TENT2: variants seen among roughly 807,000 people sequenced by gnomAD.
TENT2 encodes poly(A) RNA polymerase GLD2.
Under a neutral mutation model 72.2 loss-of-function variants are expected in TENT2, and 44 were observed. The observed-to-expected ratio is 0.61, with a 90% CI of 0.48 to 0.78. The LOEUF (loss-of-function observed/expected upper bound fraction) is 0.78. Among genes scored for constraint, TENT2 ranks in the 30% least tolerant of loss-of-function variants. The probability of loss-of-function intolerance (pLI) is 0.00; values close to 1 mark genes in which losing one functional copy is unlikely to be tolerated. For synonymous variants in TENT2, 212 were observed against 192.5 expected, an observed-to-expected ratio of 1.10 and a Z score of -0.84; for missense variants, 541 against 569.6, an observed-to-expected ratio of 0.95 and a Z score of 0.51.
At chr5:79,666,050 G>A (rs111302039) in intron 11 of TENT2, among the ~76,000 whole-genome samples, 12 of 150,648 alleles carry the variant, frequency 8.0e-5, no homozygotes, top group African/African-American at 2.7e-4. Context: ...GTGCAGTGGC[G>A]TGGATTCGGC....
At chr5:79,666,375 C>CTT (rs777248484) in intron 11 of TENT2, among the ~76,000 whole-genome samples, 4 of 139,632 alleles carry the variant, frequency 2.9e-5, no homozygotes, top group Non-Finnish European at 6.3e-5. Context: ...TCTTTTCTTT[C>CTT]TTTTTTTTTT....
At chr5:79,678,341 AGAG>A (rs1003578991) in intron 12 of TENT2, among the ~76,000 whole-genome samples, 25 of 152,168 alleles carry the variant, frequency 1.6e-4, no homozygotes, top group African/African-American at 4.8e-4. Context: ...TTTGATAAAT[AGAG>A]GAGAAGTGTA....
At chr5:79,657,805 G>A (rs942895826) in intron 11 of TENT2, among the ~76,000 whole-genome samples, 12 of 151,988 alleles carry the variant, frequency 7.9e-5, no homozygotes, top group African/African-American at 2.9e-4. Context: ...CTGAAACCAC[G>A]TAATTTTTAC....
chr5:79,674,590 A>G (rs1014750157), intron 12 of TENT2, among the ~76,000 whole-genome samples: 4 of 152,222 alleles, frequency 2.6e-5, no homozygotes, highest in African/African-American at 9.6e-5. Context: ...CTTAGGAGAT[A>G]TATACTGAAG....
rs141806755 is a variant in TENT2 at position 79,665,896 on chromosome 5, C to T, written c.1072-2996C>T. On this transcript the variant is annotated intron_variant, in intron 11 of 14. Coordinates refer to ENST00000453514, the MANE Select transcript of TENT2 (RefSeq NM_001114394.3). ...AAATATTAGTTTAAGTTCTGAACCC[C>T]CTTGTCCTATCTGAAGTAGCATGTA... Among the ~76,000 whole-genome samples the T allele has an allele frequency of 6.8e-4, 103 of 151,890 alleles. No individual in the cohort carries two copies. The East Asian group carries it at 0.016, about 24-fold the overall frequency.
At chr5:79,643,049 T>C (rs1785690038) in intron 7 of TENT2, 139 bp downstream of exon 7, 1 of 1,172,298 alleles carries the variant, frequency 8.5e-7, no homozygotes, top group African/African-American at 1.6e-5. Context: ...AATGAATTTC[T>C]TTTAACTTTT....
At chr5:79,657,953 T>C (rs1054057354) in intron 11 of TENT2, among the ~76,000 whole-genome samples, 2 of 152,198 alleles carry the variant, frequency 1.3e-5, no homozygotes, top group Admixed American at 6.5e-5. Flanking sequence ...TATAACAAAT[T>C]TACTTGACAT....
intron 11 of TENT2, among the ~76,000 whole-genome samples, chr5:79,659,553 A>AAAAAAATATAT (rs1554086793): frequency 3.7e-5 from 1 of 26,858 alleles, no homozygotes; most frequent in African/African-American, 2.5e-4. Flanking sequence ...AAAAAAAAAA[A>AAAAAAATATAT]ATGTATATAT....
chr5:79,642,876 C>G lies in TENT2; in HGVS notation c.717C>G (p.Leu239=). Residue 239 remains leucine (L), a synonymous_variant, in exon 7 of 15, where the codon CTC becomes CTG. Coordinates refer to ENST00000453514, the MANE Select transcript of TENT2 (RefSeq NM_001114394.3). ...VNQKTEARHI[L]TLVHKHFCTR... ...AGAAGACTGAAGCACGGCATATACT[C>G]ACCTTAGTCCATAAACACTTCTGTA... 1 of 1,611,898 alleles carries G rather than the reference C, an allele frequency of 6.2e-7. No individual in the cohort carries two copies. Among genetic ancestry groups the G allele is most frequent in the Non-Finnish European group, 8.5e-7 (1 of 1,179,116 alleles).
chr5:79,657,027 A>G (rs976016967), intron 11 of TENT2, 26 bp downstream of exon 11: 2 of 1,462,244 alleles, frequency 1.4e-6, no homozygotes, highest in African/African-American at 1.4e-5. Context: ...AAATTATTAT[A>G]ATACATTTTA....
chr5:79,653,919 G>A (rs1796025419), intron 10 of TENT2, among the ~76,000 whole-genome samples: 2 of 152,178 alleles, frequency 1.3e-5, no homozygotes, highest in African/African-American at 2.4e-5. Context: ...TGGATTAAAT[G>A]ACCTTTACGT....
At chr5:79,629,374 A>C (rs1773167459) in intron 4 of TENT2, among the ~76,000 whole-genome samples, 1 of 152,250 alleles carries the variant, frequency 6.6e-6, no homozygotes, top group African/African-American at 2.4e-5. Flanking sequence ...GATCTGAAAC[A>C]AAAGTGACAG....
In TENT2 at chr5:79,641,191, G is replaced by A; in HGVS notation, c.667G>A (p.Glu223Lys). 6.4e-7 allele frequency: 1 copy of A among 1,554,912 alleles called. No individual in the cohort carries two copies. Among genetic ancestry groups the A allele is most frequent in the Non-Finnish European group, 8.6e-7 (1 of 1,158,962 alleles). Residue 223 changes from glutamate to lysine, a missense_variant, in exon 6 of 15, where the codon GAA (glutamate) becomes AAA (lysine). Physicochemically the swap from Glu to Lys is moderately conservative, Grantham distance 56. Coordinates refer to ENST00000453514, the MANE Select transcript of TENT2 (RefSeq NM_001114394.3). ...TGATTTATGCCTAGTTGTTAAGGAAGAACCAGTAAGTAAGGAAACATTTAT... is the reference window on the plus strand; with the variant it reads ...TGATTTATGCCTAGTTGTTAAGGAAAAACCAGTAAGTAAGGAAACATTTAT... ...DGDLCLVVKE[E>K]PCFFQVNQKT...
intron 1 of TENT2, among the ~76,000 whole-genome samples, chr5:79,617,993 T>A (rs577997252): frequency 2.0e-5 from 3 of 152,138 alleles, no homozygotes; most frequent in South Asian, 2.1e-4. Context: ...GTCTTTGGCA[T>A]TTTTTTTGTT....
At chr5:79,614,274 T>G (rs1245228516) in intron 1 of TENT2, among the ~76,000 whole-genome samples, 2 of 151,956 alleles carry the variant, frequency 1.3e-5, no homozygotes, top group African/African-American at 4.8e-5. Flanking sequence ...GGCTAATTTT[T>G]GTATTTTTAG....
intron 8 of TENT2, among the ~76,000 whole-genome samples, chr5:79,646,537 C>T (rs1789164880): frequency 6.6e-6 from 1 of 152,142 alleles, no homozygotes; most frequent in African/African-American, 2.4e-5. Flanking sequence ...CAAGCCATTC[C>T]TTTATATATC....
chr5:79,668,306 T>G (rs1254393451), intron 11 of TENT2, among the ~76,000 whole-genome samples: 1 of 152,126 alleles, frequency 6.6e-6, no homozygotes, highest in Non-Finnish European at 1.5e-5. Context: ...TTTCCCTGCC[T>G]TCTTTGTCTT....
At chr5:79,634,981 C>T (rs1310747548) in intron 4 of TENT2, among the ~76,000 whole-genome samples, 3 of 151,888 alleles carry the variant, frequency 2.0e-5, no homozygotes, top group African/African-American at 7.3e-5. Flanking sequence ...CTGTACCTGG[C>T]TTGGAATAGT....
intron 11 of TENT2, among the ~76,000 whole-genome samples, chr5:79,664,213 A>G (rs2150500266): frequency 6.6e-6 from 1 of 152,252 alleles, no homozygotes; most frequent in South Asian, 2.1e-4. Flanking sequence ...CTGTACACAC[A>G]TATATATAGC....
Sources: allele counts gnomAD v4.1 joint callset (sites outside exome capture counted in the v4.1 genomes callset), GRCh38; gene constraint gnomAD v4.1.1; transcripts MANE v1.5; gene names NCBI Gene and HGNC (gene_info 2026-07-23, HGNC 2026-07-21).